The following RHOU variants were observed in gnomAD, a reference collection of about 807,000 sequenced individuals.
RHOU encodes rho-related GTP-binding protein RhoU.
In RHOU, 8 loss-of-function variants were observed where a neutral mutation model predicts 12.6. The ratio of observed to expected loss-of-function variants is 0.64; its 90% CI spans 0.37 to 1.15. RHOU has a LOEUF of 1.15. Among genes scored for constraint, RHOU ranks in the 50% most tolerant of loss-of-function variants. The pLI is 0.01. For missense variants in RHOU, 258 were observed against 347.0 expected (o/e 0.74, Z 2.04); for synonymous variants, 161 against 147.4 (o/e 1.09, Z -0.67).
At chr1:228,666,409 T>C in the RHOU span, among the ~76,000 whole-genome samples, 1 of 152,090 alleles carries the variant, frequency 6.6e-6, no homozygotes, top group Non-Finnish European at 1.5e-5. Flanking sequence ...ATTTCAAAGG[T>C]TTATCATTTC....
chr1:228,714,134 A>G, the RHOU span, among the ~76,000 whole-genome samples: 50 of 152,120 alleles, frequency 3.3e-4, no homozygotes, highest in Non-Finnish European at 7.1e-4. Context: ...AATATTCCTA[A>G]TTTGCTGGGT....
chr1:228,743,782 G>A lies in RHOU; in HGVS notation c.*42G>A, dbSNP rs756019433. The A allele has an allele frequency of 1.2e-5, 18 of 1,541,428 alleles. No homozygotes were observed. The highest frequency in any genetic ancestry group is 2.4e-5 in the South Asian group (2 of 83,630). On this transcript the variant is annotated 3_prime_UTR_variant, in exon 3 of 3. Coordinates refer to ENST00000366691, the MANE Select transcript of RHOU (RefSeq NM_021205.6). This position sits in a 1 kb window ranked among gnomAD's most constrained non-coding sequence, Gnocchi z 5.1. ...AGAAAGGCTATTTTCAGATGAAATC[G>A]ATATTAGAAGCTATATTAGCTGAAA...
chr1:228,647,570 G>T, the RHOU span, among the ~76,000 whole-genome samples: 1 of 152,184 alleles, frequency 6.6e-6, no homozygotes, highest in Admixed American at 6.5e-5. Context: ...GCCCCTGCCC[G>T]CCCCTTCCCC....
chr1:228,651,995 C>T, the RHOU span, among the ~76,000 whole-genome samples: 1 of 152,222 alleles, frequency 6.6e-6, no homozygotes, highest in African/African-American at 2.4e-5. Context: ...TTCTGGGTTT[C>T]TCTTTTGCTG....
the RHOU span, among the ~76,000 whole-genome samples, chr1:228,671,158 T>C: frequency 0.44 from 66,841 of 151,824 alleles, 17,768 homozygotes; most frequent in African/African-American, 0.76. Context: ...GCATGCATCA[T>C]CATGCCCAGC....
At chr1:228,666,446 CT>C in the RHOU span, among the ~76,000 whole-genome samples, 1 of 152,172 alleles carries the variant, frequency 6.6e-6, no homozygotes, top group Non-Finnish European at 1.5e-5. Flanking sequence ...TCAATATCCT[CT>C]TTCTCACTGT....
chr1:228,720,576 C>A, the RHOU span, among the ~76,000 whole-genome samples: 5 of 152,032 alleles, frequency 3.3e-5, no homozygotes, highest in Admixed American at 6.6e-5. Context: ...AAGGAAGGAC[C>A]CTGTGAAGAC....
the RHOU span, among the ~76,000 whole-genome samples, chr1:228,701,851 G>A: frequency 3.3e-5 from 5 of 150,824 alleles, no homozygotes; most frequent in African/African-American, 4.9e-5. Flanking sequence ...AGTACACTTT[G>A]TATATAGAAT....
the RHOU span, among the ~76,000 whole-genome samples, chr1:228,726,045 C>A: frequency 6.6e-6 from 1 of 152,110 alleles, no homozygotes; most frequent in African/African-American, 2.4e-5. Context: ...CTTTTAAAAA[C>A]TTCCAAATTA....
intron 2 of RHOU, among the ~76,000 whole-genome samples, chr1:228,741,483 G>A (rs1444250869): frequency 6.6e-6 from 1 of 152,104 alleles, no homozygotes; most frequent in African/African-American, 2.4e-5. Context: ...GGCCAGGGGT[G>A]CAGCTACCTG....
the RHOU span, among the ~76,000 whole-genome samples, chr1:228,709,096 C>G: frequency 6.6e-6 from 1 of 152,072 alleles, no homozygotes; most frequent in Non-Finnish European, 1.5e-5. Flanking sequence ...ATCAATTCAA[C>G]AAGAAGAGCT....
chr1:228,740,580 G>A (rs965690038), intron 2 of RHOU, among the ~76,000 whole-genome samples: 9 of 152,298 alleles, frequency 5.9e-5, no homozygotes, highest in African/African-American at 2.2e-4. Context: ...CCCTAGTCCT[G>A]ATCTGATAAA....
chr1:228,667,538 G>A, the RHOU span, among the ~76,000 whole-genome samples: 218 of 152,278 alleles, frequency 1.4e-3, no homozygotes, highest in African/African-American at 5.2e-3. Flanking sequence ...TTGGCCTGTG[G>A]GAGCCCCTCT....
chr1:228,647,629 G>T, the RHOU span, among the ~76,000 whole-genome samples: 4 of 152,202 alleles, frequency 2.6e-5, no homozygotes, highest in Admixed American at 2.0e-4. Context: ...GAATTGCCTG[G>T]TGGATCCGGG....
upstream of RHOU, chr1:228,735,450 G>T (rs900821114): frequency 1.4e-5 from 3 of 211,766 alleles, no homozygotes; most frequent in Admixed American, 1.2e-4. This position sits in a 1 kb window ranked among gnomAD's most constrained non-coding sequence, Gnocchi z 8.1. Context: ...CCCCCCACGC[G>T]TCGTGTCGCC....
At position 228,746,583 on chromosome 1, in the gene RHOU, C is replaced by T. The variant is rs767930069; in HGVS notation, c.*2843C>T. 2 of 152,168 alleles carry T rather than the reference C, an allele frequency of 1.3e-5. No homozygotes were observed. Among genetic ancestry groups the T allele is most frequent in the Non-Finnish European group, 2.9e-5 (2 of 68,024 alleles). The allele number at this position is 152,168 out of a possible 1,614,324, so 9.4% of individuals were successfully genotyped here. On this transcript the variant is annotated 3_prime_UTR_variant, in exon 3 of 3. Transcript: ENST00000366691. Reference sequence around the variant, plus strand: ...TTACCAAGTTGTGCTTTTCTGTTTTCAAGTGTAAATGATGTTGAGCAGAAT... The same window carrying T: ...TTACCAAGTTGTGCTTTTCTGTTTTTAAGTGTAAATGATGTTGAGCAGAAT...
the RHOU span, among the ~76,000 whole-genome samples, chr1:228,688,569 TGTGGGGAATC>T: frequency 7.2e-5 from 11 of 152,172 alleles, no homozygotes; most frequent in Admixed American, 5.9e-4. Flanking sequence ...GTCCACCCAG[TGTGGGGAATC>T]GTGCCTTTCC....
At chr1:228,733,089 A>C (rs1048544735), upstream of RHOU, among the ~76,000 whole-genome samples, 1 of 152,236 alleles carries the variant, frequency 6.6e-6, no homozygotes, top group African/African-American at 2.4e-5. Flanking sequence ...CTTCACACAC[A>C]GGTGAACTTG....
the RHOU span, among the ~76,000 whole-genome samples, chr1:228,709,527 A>G: frequency 6.7e-6 from 1 of 149,504 alleles, no homozygotes; most frequent in Admixed American, 6.7e-5. Context: ...ACTCAACTAC[A>G]TGGAAACTGA....
Sources: allele counts gnomAD v4.1 joint callset (sites outside exome capture counted in the v4.1 genomes callset), GRCh38; gene constraint gnomAD v4.1.1; non-coding constraint Gnocchi (gnomAD v3.1); transcripts MANE v1.5; gene names NCBI Gene and HGNC (gene_info 2026-07-23, HGNC 2026-07-21).